The following TAS2R1 variants were observed in gnomAD, a reference collection of about 807,000 sequenced individuals.
TAS2R1 encodes taste receptor type 2 member 1.
For synonymous variants in TAS2R1, 141 were observed against 134.2 expected, an observed-to-expected ratio of 1.05 and a Z score of -0.35; for missense variants, 370 against 353.4, an observed-to-expected ratio of 1.05 and a Z score of -0.38.
chr5:9,880,833 A>G, the TAS2R1 span, among the ~76,000 whole-genome samples: 2,000 of 152,312 alleles, frequency 0.013, 45 homozygotes, highest in African/African-American at 0.045. Flanking sequence ...GACAAGAAGA[A>G]GCCCAAAACC....
the TAS2R1 span, among the ~76,000 whole-genome samples, chr5:9,812,153 C>T: frequency 6.6e-6 from 1 of 152,024 alleles, no homozygotes; most frequent in Admixed American, 6.6e-5. Flanking sequence ...ACCCCCCTGC[C>T]CCACCCAATA....
At chr5:9,835,049 G>A in the TAS2R1 span, among the ~76,000 whole-genome samples, 1 of 152,276 alleles carries the variant, frequency 6.6e-6, no homozygotes, top group South Asian at 2.1e-4. Flanking sequence ...GACCCCTAGG[G>A]GCACGGCAGC....
intron 1 of TAS2R1, among the ~76,000 whole-genome samples, chr5:9,683,138 C>A (rs183131329): frequency 6.6e-6 from 1 of 151,848 alleles, no homozygotes; most frequent in Admixed American, 6.6e-5. Context: ...TTTTTTCCTG[C>A]AAACCTTTGG....
the TAS2R1 span, among the ~76,000 whole-genome samples, chr5:9,856,482 C>G: frequency 6.6e-6 from 1 of 152,140 alleles, no homozygotes; most frequent in African/African-American, 2.4e-5. Context: ...GTTGTTGGGC[C>G]CTGTCTGGAG....
chr5:9,710,033 T>C (rs1367907076), intron 1 of TAS2R1, among the ~76,000 whole-genome samples: 1 of 152,260 alleles, frequency 6.6e-6, no homozygotes, highest in Non-Finnish European at 1.5e-5. Flanking sequence ...TGAAATATTT[T>C]GAACTGATGT....
At chr5:9,815,435 T>A in the TAS2R1 span, among the ~76,000 whole-genome samples, 1 of 152,182 alleles carries the variant, frequency 6.6e-6, no homozygotes, top group Non-Finnish European at 1.5e-5. Context: ...AGATGATAGA[T>A]GATAGATAGA....
intron 1 of TAS2R1, among the ~76,000 whole-genome samples, chr5:9,678,477 C>T (rs1457726324): frequency 2.0e-5 from 3 of 152,182 alleles, no homozygotes; most frequent in African/African-American, 7.2e-5. Context: ...AATATACATG[C>T]ATGCATATGT....
the TAS2R1 span, among the ~76,000 whole-genome samples, chr5:9,861,988 T>C: frequency 1.3e-5 from 2 of 152,234 alleles, no homozygotes; most frequent in African/African-American, 4.8e-5. Context: ...GGCATAAAAA[T>C]GCACATGGAC....
the TAS2R1 span, among the ~76,000 whole-genome samples, chr5:9,792,637 T>C: frequency 6.6e-6 from 1 of 152,216 alleles, no homozygotes; most frequent in Non-Finnish European, 1.5e-5. Context: ...GTCAATGCTA[T>C]ATCCCTGGGA....
At chr5:9,814,373 T>C in the TAS2R1 span, among the ~76,000 whole-genome samples, 1 of 152,144 alleles carries the variant, frequency 6.6e-6, no homozygotes, top group Admixed American at 6.5e-5. Context: ...ATGGCAAGAA[T>C]GTTCTCTTAT....
the TAS2R1 span, among the ~76,000 whole-genome samples, chr5:9,842,078 G>A: frequency 1.3e-5 from 2 of 152,082 alleles, no homozygotes; most frequent in African/African-American, 2.4e-5. Flanking sequence ...TCAAATTCCC[G>A]ACCAGGAAAC....
chr5:9,857,816 A>G, the TAS2R1 span, among the ~76,000 whole-genome samples: 15 of 151,940 alleles, frequency 9.9e-5, no homozygotes, highest in African/African-American at 2.9e-4. Flanking sequence ...GGAGCCCTTC[A>G]CCAGTCAGCC....
At chr5:9,752,061 G>A in the TAS2R1 span, among the ~76,000 whole-genome samples, 4 of 152,172 alleles carry the variant, frequency 2.6e-5, no homozygotes, top group African/African-American at 7.2e-5. Context: ...AAACAAAGGA[G>A]AAGGAAAAGA....
chr5:9,740,412 C>G, the TAS2R1 span, among the ~76,000 whole-genome samples: 2 of 152,178 alleles, frequency 1.3e-5, no homozygotes, highest in African/African-American at 4.8e-5. Flanking sequence ...CCACACAGCA[C>G]TGCTTCATGG....
At chr5:9,777,173 G>C in the TAS2R1 span, among the ~76,000 whole-genome samples, 2 of 152,088 alleles carry the variant, frequency 1.3e-5, no homozygotes, top group Admixed American at 6.5e-5. Flanking sequence ...TGCATCGATT[G>C]ACTCTCTCTT....
At chr5:9,700,198 T>G (rs921904251) in intron 1 of TAS2R1, among the ~76,000 whole-genome samples, 1 of 152,172 alleles carries the variant, frequency 6.6e-6, no homozygotes, top group Non-Finnish European at 1.5e-5. Context: ...TAAGTTGATT[T>G]TTTAAAAATG....
the TAS2R1 span, among the ~76,000 whole-genome samples, chr5:9,876,026 A>G: frequency 6.6e-6 from 1 of 152,130 alleles, no homozygotes. Context: ...ACTATGGTAG[A>G]GACTGGAAAC....
the TAS2R1 span, among the ~76,000 whole-genome samples, chr5:9,788,828 A>G: frequency 1.3e-5 from 2 of 152,222 alleles, no homozygotes; most frequent in African/African-American, 4.8e-5. Context: ...TTCTAAAACT[A>G]GAATAAATTT....
intron 1 of TAS2R1, among the ~76,000 whole-genome samples, chr5:9,684,196 T>C (rs1741081578): frequency 6.6e-6 from 1 of 152,230 alleles, no homozygotes; most frequent in African/African-American, 2.4e-5. Context: ...GGCATATGTA[T>C]ACAATGGAAT....
Sources: gnomAD v4.1 joint callset for allele counts (sites outside exome capture counted in the v4.1 genomes callset) on GRCh38, gnomAD v4.1.1 for gene constraint, MANE v1.5 for transcripts, NCBI Gene and HGNC (gene_info 2026-07-23, HGNC 2026-07-21) for gene names.